Variants in COL3A1 observed in about 807,000 individuals in gnomAD.
The protein encoded by COL3A1 is collagen alpha-1(III) chain.
COL3A1 carries 46 observed loss-of-function variants against 200.9 expected under a neutral mutation model. The observed-to-expected ratio is 0.23, with a 90% CI of 0.18 to 0.29. The LOEUF (loss-of-function observed/expected upper bound fraction) is 0.29. Among genes scored for constraint, COL3A1 ranks in the 10% least tolerant of loss-of-function variants. COL3A1 has a pLI of 1.00. For missense variants in COL3A1, 1,367 were observed against 1,917.6 expected (o/e 0.71, Z 5.36); for synonymous variants, 650 against 628.0 (o/e 1.03, Z -0.52).
At chr2:188,987,222 T>C in intron 5 of COL3A1, 83 bp downstream of exon 5, 9 of 1,154,894 alleles carry the variant, frequency 7.8e-6, no homozygotes, top group Non-Finnish European at 1.2e-5. Context: ...CTTCTAGGAA[T>C]TCAGTATTTT....
Position 188,991,042 on chromosome 2 carries a change from T to C in COL3A1, c.837T>C (p.Gly279=). The C allele has an allele frequency of 6.2e-7, 1 of 1,613,278 alleles. No individual in the cohort carries two copies. Among genetic ancestry groups the C allele is most frequent in the Non-Finnish European group, 8.5e-7 (1 of 1,179,530 alleles). Residue 279 remains glycine, a synonymous_variant, in exon 11 of 51, where the codon GGT becomes GGC. Coordinates refer to ENST00000304636, the MANE Select transcript of COL3A1 (RefSeq NM_000090.4). ...GAAATGGAGAAAAGGGTGAAACAGG[T>C]GCTCCTGGATTAAAGGTAAATCACA... ...DGRNGEKGET[G]APGLKGENGL...
intron 7 of COL3A1, among the ~76,000 whole-genome samples, chr2:188,988,860 A>G (rs1199608346): frequency 6.6e-6 from 1 of 152,008 alleles, no homozygotes; most frequent in Non-Finnish European, 1.5e-5. Context: ...ATCATTAGCC[A>G]TCAAAATAGT....
In COL3A1 at chr2:188,995,248, A is replaced by G. The variant is rs1688280402; in HGVS notation, c.1509+149A>G. 3 of 760,750 alleles carry G rather than the reference A, an allele frequency of 3.9e-6. No individual in the cohort carries two copies. In the African/African-American group the frequency reaches 5.3e-5, roughly 13 times the overall value. The allele number at this position is 760,750 out of a possible 1,614,324, so 47.1% of individuals were successfully genotyped here. ...CCTAATATAATGCATCCTCTGTTCA[A>G]CAACTTTCCTGGCTTTGTAACTAAA... is the stretch of plus-strand genomic sequence containing the variant. On this transcript the variant is annotated intron_variant, in intron 21 of 50. Transcript: ENST00000304636.
chr2:188,997,870 A>G lies in COL3A1; in HGVS notation c.1923+117A>G, dbSNP rs1012326319. Reference sequence around the variant, plus strand: ...GTGATTCTGTCTTTCATCTGGAAATAAAATTTTAGGCAATGTTAATAGGTA... The same window carrying G: ...GTGATTCTGTCTTTCATCTGGAAATGAAATTTTAGGCAATGTTAATAGGTA... On this transcript the variant is annotated intron_variant, in intron 27 of 50. Coordinates refer to ENST00000304636, the MANE Select transcript of COL3A1 (RefSeq NM_000090.4). 4 of 966,826 alleles carry G rather than the reference A, an allele frequency of 4.1e-6. No homozygotes were observed. In the Admixed American group the frequency reaches 8.0e-5, roughly 19 times the overall value. The allele number at this position is 966,826 out of a possible 1,614,324, so 59.9% of individuals were successfully genotyped here. A position where few individuals can be genotyped will look rare whatever the true frequency, so the allele number is the denominator to read the frequency against.
chr2:189,008,741 A>T (rs1688651016), intron 47 of COL3A1, 183 bp from the exon 48 acceptor site: 3 of 643,152 alleles, frequency 4.7e-6, no homozygotes, highest in Non-Finnish European at 8.2e-6. Flanking sequence ...TTGATAATGA[A>T]TTGTAGTTAT....
intron 32 of COL3A1, among the ~76,000 whole-genome samples, chr2:189,000,930 C>T (rs768421722): frequency 1.1e-4 from 16 of 151,818 alleles, no homozygotes; most frequent in South Asian, 2.1e-4. Flanking sequence ...GTAGATAAGC[C>T]GTCATTCAGG....
rs750191923 is a variant in COL3A1, at chr2:188,988,089, A to G, written c.537A>G (p.Pro179=). Residue 179 remains proline (P), a synonymous_variant, in exon 6 of 51, where the codon CCA becomes CCG. Coordinates refer to ENST00000304636, the MANE Select transcript of COL3A1 (RefSeq NM_000090.4). The part of the protein sequence containing the change: ...LAGYPGPAGP[P]GPPGPPGTSG... ...TCAAATTCACATTCCAGGGCCCCCC[A>G]GGCCCTCCCGGTCCCCCTGGTACAT... 5 of 1,611,538 alleles carry G rather than the reference A, an allele frequency of 3.1e-6. No homozygotes were observed. Among genetic ancestry groups the G allele is most frequent in the Non-Finnish European group, 4.2e-6 (5 of 1,177,970 alleles).
At chr2:189,008,333 T>C in intron 47 of COL3A1, 191 bp downstream of exon 47, 1 of 623,880 alleles carries the variant, frequency 1.6e-6, no homozygotes, top group Non-Finnish European at 2.8e-6. Context: ...AGGAGAAAAA[T>C]ACCTTTTTAA....
In COL3A1 at chr2:189,012,561, T is replaced by C. The variant is rs974698543; in HGVS notation, c.*787T>C. 2.1e-5 allele frequency: 3 copies of C among 143,176 alleles called. No homozygotes were observed. The highest frequency in any genetic ancestry group is 8.1e-5 in the African/African-American group (3 of 37,136). The allele number at this position is 143,176 out of a possible 1,614,324, so 8.9% of individuals were successfully genotyped here. A position where few individuals can be genotyped will look rare whatever the true frequency, so the allele number is the denominator to read the frequency against. ...ACATGTCTCCCATCAGAAAGATTCATTGGCATGCCACAGGGGATTCTCCTC... is the reference window on the plus strand; with the variant it reads ...ACATGTCTCCCATCAGAAAGATTCACTGGCATGCCACAGGGGATTCTCCTC... On this transcript the variant is annotated 3_prime_UTR_variant, in exon 51 of 51. Transcript: ENST00000304636.
At chr2:188,996,647 A>G (rs997129898) in intron 24 of COL3A1, 151 bp downstream of exon 24, 9 of 683,440 alleles carry the variant, frequency 1.3e-5, no homozygotes, top group African/African-American at 5.5e-5. Flanking sequence ...GGAGCTAAAT[A>G]TATAATTGGT....
Position 189,011,869 on chromosome 2 carries a change from A to C in COL3A1, c.*95A>C. Reference sequence around the variant, plus strand: ...TCAACCAGTGCAAGTGACCGACAAAATTCCAGTTATTTATTTCCAAAATGT... The same window carrying C: ...TCAACCAGTGCAAGTGACCGACAAACTTCCAGTTATTTATTTCCAAAATGT... On this transcript the variant is annotated 3_prime_UTR_variant, in exon 51 of 51. Coordinates refer to ENST00000304636, the MANE Select transcript of COL3A1 (RefSeq NM_000090.4). 7.3e-7 allele frequency: 1 copy of C among 1,361,074 alleles called. No individual in the cohort carries two copies. Among genetic ancestry groups the C allele is most frequent in the Non-Finnish European group, 1.0e-6 (1 of 961,414 alleles). 84.3% of individuals were successfully genotyped at this position (1,361,074 alleles called of 1,614,324 possible).
In COL3A1 at chr2:189,006,388, C is replaced by T; in HGVS notation, c.3137C>T (p.Pro1046Leu). 1 of 1,614,156 alleles carries T rather than the reference C, an allele frequency of 6.2e-7. No individual in the cohort carries two copies. The highest frequency in any genetic ancestry group is 8.5e-7 in the Non-Finnish European group (1 of 1,180,020). Residue 1046 changes from proline to leucine, a missense_variant, in exon 43 of 51, where the codon CCT becomes CTT. Physicochemically the swap from Pro to Leu is moderately conservative, Grantham distance 98. This residue lies in a region of COL3A1 where 846 missense variants were observed against 1,147.9 expected (regional missense o/e 0.74). Transcript: ENST00000304636. ...GGCTCTCCTGGTGCCCCTGGCGCTCCTGGTCATCCAGGCCCACCTGGTCCT... is the reference window on the plus strand; with the variant it reads ...GGCTCTCCTGGTGCCCCTGGCGCTCTTGGTCATCCAGGCCCACCTGGTCCT... The part of the protein sequence containing the change: ...ENGSPGAPGA[P>L]GHPGPPGPVG...
chr2:189,005,327 G>T, intron 40 of COL3A1, 23 bp from the exon 41 acceptor site: 3 of 1,589,226 alleles, frequency 1.9e-6, no homozygotes, highest in Non-Finnish European at 2.6e-6. Context: ...GAAACAAAAT[G>T]TTTTTCATTC....
Position 189,012,487 on chromosome 2 carries a change from A to G in COL3A1, c.*713A>G, listed in dbSNP as rs1490636082. 3 of 152,630 alleles carry G rather than the reference A, an allele frequency of 2.0e-5. No homozygotes were observed. Among genetic ancestry groups the G allele is most frequent in the African/African-American group, 7.2e-5 (3 of 41,442 alleles). The allele number at this position is 152,630 out of a possible 1,614,324, so 9.5% of individuals were successfully genotyped here. A position where few individuals can be genotyped will look rare whatever the true frequency, so the allele number is the denominator to read the frequency against. On this transcript the variant is annotated 3_prime_UTR_variant, in exon 51 of 51. Transcript: ENST00000304636. ...TAATGTACTTTCACTTTTAAACTCTAGATCAGAATTGTTGACTTGCATTCA... is the reference window on the plus strand; with the variant it reads ...TAATGTACTTTCACTTTTAAACTCTGGATCAGAATTGTTGACTTGCATTCA...
chr2:188,989,209 T>C (rs1284046261), intron 7 of COL3A1, among the ~76,000 whole-genome samples, 187 bp from the exon 8 acceptor site: 1 of 148,200 alleles, frequency 6.7e-6, no homozygotes, highest in African/African-American at 2.6e-5. Flanking sequence ...ATGCTTTTAA[T>C]TTTTATTAAC....
chr2:188,991,180 T>C, intron 11 of COL3A1, 123 bp downstream of exon 11: 1 of 1,005,300 alleles, frequency 9.9e-7, no homozygotes, highest in Non-Finnish European at 1.5e-6. Context: ...ACCTATTAGG[T>C]GTGAATAATG....
Position 188,993,462 on chromosome 2 carries a change from A to G in COL3A1, c.1149+3A>G, listed in dbSNP as rs1466133249. The G allele has an allele frequency of 3.9e-6, 6 of 1,550,958 alleles. No homozygotes were observed. Among genetic ancestry groups the G allele is most frequent in the East Asian group, 2.4e-5 (1 of 41,036 alleles). Reference sequence around the variant, plus strand: ...ACGCTGGTGCTCAAGGTCCTCCTGTAAGTATCATAGTTGAGAGGGAGTAAG... The same window carrying G: ...ACGCTGGTGCTCAAGGTCCTCCTGTGAGTATCATAGTTGAGAGGGAGTAAG... On this transcript the variant is annotated splice_donor_region_variant and intron_variant, in intron 16 of 50. Coordinates refer to ENST00000304636, the MANE Select transcript of COL3A1 (RefSeq NM_000090.4).
At chr2:188,977,843 G>A (rs1233342672) in intron 1 of COL3A1, among the ~76,000 whole-genome samples, 1 of 151,922 alleles carries the variant, frequency 6.6e-6, no homozygotes, top group Non-Finnish European at 1.5e-5. Context: ...AAAAGAATAG[G>A]TATTTTTCTG....
chr2:189,008,783 A>T, intron 47 of COL3A1, 141 bp from the exon 48 acceptor site: 1 of 900,520 alleles, frequency 1.1e-6, no homozygotes, highest in Non-Finnish European at 1.8e-6. Flanking sequence ...CCCTAAAGGC[A>T]CCCAAATAAA....
Sources: gnomAD v4.1 joint callset for allele counts (sites outside exome capture counted in the v4.1 genomes callset) on GRCh38, gnomAD v4.1.1 for gene constraint, gnomAD v4.1.1 regional missense constraint, MANE v1.5 for transcripts, NCBI Gene and HGNC (gene_info 2026-07-23, HGNC 2026-07-21) for gene names.